Variants in VPS13C observed in about 807,000 individuals in gnomAD.
VPS13C encodes the protein intermembrane lipid transfer protein VPS13C.
A neutral mutation model predicts 456.8 loss-of-function variants in VPS13C; 358 were observed. The ratio of observed to expected loss-of-function variants is 0.78; its 90% CI spans 0.72 to 0.86. VPS13C has a LOEUF of 0.86. Among genes scored for constraint, VPS13C ranks in the 40% least tolerant of loss-of-function variants. The probability of loss-of-function intolerance (pLI) is 0.00; values close to 1 mark genes in which losing one functional copy is unlikely to be tolerated. For missense variants in VPS13C, 4,818 were observed against 4,385.4 expected (o/e 1.10, Z -2.79); for synonymous variants, 1,578 against 1,486.7 (o/e 1.06, Z -1.41).
At chr15:61,896,419 T>C (rs1334976217) in intron 66 of VPS13C, among the ~76,000 whole-genome samples, 1 of 151,890 alleles carries the variant, frequency 6.6e-6, no homozygotes, top group Non-Finnish European at 1.5e-5. Context: ...CGAAGCAGGG[T>C]GAGGCATTGC....
In VPS13C at chr15:61,867,545, T is replaced by C. The variant is rs1403942109; in HGVS notation, c.10863+1114A>G. ...ATCAAGACTCACAAACATAAACATA[T>C]TAATTGGACATAATAATTGTCCTGT... On this transcript the variant is annotated intron_variant, in intron 81 of 84. Coordinates refer to ENST00000644861, the MANE Select transcript of VPS13C (RefSeq NM_020821.3). This position sits in a 1 kb window ranked among gnomAD's most constrained non-coding sequence, Gnocchi z 5.0. 6 of 1,005,632 alleles carry C rather than the reference T, an allele frequency of 6.0e-6. No individual in the cohort carries two copies. Among genetic ancestry groups the C allele is most frequent in the African/African-American group, 1.7e-5 (1 of 57,534 alleles). The allele number at this position is 1,005,632 out of a possible 1,614,324, so 62.3% of individuals were successfully genotyped here.
At chr15:61,893,356 C>T (rs766724606) in intron 66 of VPS13C, among the ~76,000 whole-genome samples, 23 of 151,996 alleles carry the variant, frequency 1.5e-4, no homozygotes, top group Non-Finnish European at 2.8e-4. Context: ...GAAGAAAAAC[C>T]CTGCCAACCA....
At chr15:61,857,066 C>A (rs1893956338) in intron 82 of VPS13C, among the ~76,000 whole-genome samples, 1 of 152,030 alleles carries the variant, frequency 6.6e-6, no homozygotes, top group East Asian at 1.9e-4. Flanking sequence ...GTGTGTGATT[C>A]ATTTTGATTA....
chr15:61,931,040 G>A, intron 50 of VPS13C, 50 bp downstream of exon 50: 1 of 1,600,366 alleles, frequency 6.2e-7, no homozygotes, highest in Non-Finnish European at 8.5e-7. Flanking sequence ...CAGCCATGCA[G>A]GTGCAATGTC....
chr15:62,052,348 A>G (rs2048647854), intron 1 of VPS13C, among the ~76,000 whole-genome samples: 1 of 152,176 alleles, frequency 6.6e-6, no homozygotes, highest in Non-Finnish European at 1.5e-5. Context: ...AAAGCAAAGC[A>G]TGAATCAAAT....
chr15:62,018,093 T>C (rs1200727143), intron 9 of VPS13C, among the ~76,000 whole-genome samples: 1 of 152,176 alleles, frequency 6.6e-6, no homozygotes, highest in Non-Finnish European at 1.5e-5. Context: ...CGTTTGTCTG[T>C]TATTGGTGTA....
At chr15:62,023,650 A>T in intron 7 of VPS13C, 130 bp from the exon 8 acceptor site, 3 of 1,109,604 alleles carry the variant, frequency 2.7e-6, no homozygotes, top group Non-Finnish European at 3.9e-6. Flanking sequence ...TTATATTTTA[A>T]TATGCATTTC....
intron 75 of VPS13C, 41 bp downstream of exon 75, chr15:61,876,932 A>T (rs1229164162): frequency 1.4e-6 from 2 of 1,440,786 alleles, no homozygotes; most frequent in Admixed American, 2.0e-5. Context: ...TTGATATTTT[A>T]TGAAGTATAT....
chr15:62,025,207 G>A (rs2047596100), intron 6 of VPS13C, among the ~76,000 whole-genome samples: 1 of 152,014 alleles, frequency 6.6e-6, no homozygotes, highest in Non-Finnish European at 1.5e-5. Flanking sequence ...ATGTGAAATG[G>A]AGCTTGAAAT....
At chr15:62,014,554 A>G (rs2047161060) in intron 9 of VPS13C, among the ~76,000 whole-genome samples, 1 of 152,136 alleles carries the variant, frequency 6.6e-6, no homozygotes, top group African/African-American at 2.4e-5. Flanking sequence ...ATAACTTTAG[A>G]TTTATAAGTT....
chr15:61,943,481 G>A (rs2044498246), intron 45 of VPS13C, among the ~76,000 whole-genome samples: 2 of 152,074 alleles, frequency 1.3e-5, no homozygotes, highest in South Asian at 4.1e-4. Flanking sequence ...ACAGCCACCT[G>A]TTCTTTGACA....
intron 51 of VPS13C, among the ~76,000 whole-genome samples, chr15:61,929,154 T>C (rs1181988073): frequency 1.3e-5 from 2 of 152,150 alleles, no homozygotes; most frequent in Non-Finnish European, 2.9e-5. Flanking sequence ...TTTTCAATTG[T>C]TCTTCAATGT....
At chr15:62,030,032 G>A (rs1409629045) in intron 5 of VPS13C, among the ~76,000 whole-genome samples, 2 of 152,030 alleles carry the variant, frequency 1.3e-5, no homozygotes, top group African/African-American at 2.4e-5. Context: ...TGACACCTGT[G>A]CAGCTGGTCC....
intron 3 of VPS13C, 127 bp from the exon 4 acceptor site, chr15:62,035,179 G>A: frequency 2.1e-6 from 1 of 468,702 alleles, no homozygotes; most frequent in Non-Finnish European, 3.8e-6. Context: ...CAGAAAAAAT[G>A]AAAAAAATCC....
At chr15:62,047,563 T>G (rs577724967) in intron 1 of VPS13C, among the ~76,000 whole-genome samples, 2 of 152,274 alleles carry the variant, frequency 1.3e-5, no homozygotes, top group African/African-American at 4.8e-5. Context: ...AATAATACAT[T>G]CTCCAAGTTA....
In VPS13C at chr15:61,923,745, AACTT is replaced by A. The variant is rs370743227; in HGVS notation, c.6610-987_6610-984del. ...AGGATCTAGTATGTATTGTTTTCCT[AACTT>A]ACTTGTCAACTTTTTTTCCGTGTCT... is the stretch of plus-strand genomic sequence containing the variant. On this transcript the variant is annotated intron_variant, in intron 53 of 84. Coordinates refer to ENST00000644861, the MANE Select transcript of VPS13C (RefSeq NM_020821.3). Among the ~76,000 whole-genome samples the A allele has an allele frequency of 6.4e-4, 96 of 149,676 alleles. 1 individual carries two copies. In the East Asian group the frequency reaches 0.012, roughly 18 times the overall value.
chr15:61,857,107 T>A (rs1182967429), intron 82 of VPS13C, among the ~76,000 whole-genome samples: 3 of 152,200 alleles, frequency 2.0e-5, no homozygotes, highest in Admixed American at 1.3e-4. Context: ...ATTAAGCTTC[T>A]ATTACAGAAA....
At chr15:61,994,127 C>A (rs768358810) in intron 16 of VPS13C, among the ~76,000 whole-genome samples, 5 of 152,066 alleles carry the variant, frequency 3.3e-5, no homozygotes, top group Non-Finnish European at 1.5e-5. Context: ...GCCAATCCTC[C>A]GCCTACATTT....
intron 55 of VPS13C, 134 bp from the exon 56 acceptor site, chr15:61,920,781 C>T (rs1333357705): frequency 1.4e-6 from 1 of 700,238 alleles, no homozygotes; most frequent in African/African-American, 1.9e-5. Flanking sequence ...CAAAAATATA[C>T]CATGCTTCAC....
Sources: allele counts gnomAD v4.1 joint callset (sites outside exome capture counted in the v4.1 genomes callset), GRCh38; gene constraint gnomAD v4.1.1; non-coding constraint Gnocchi (gnomAD v3.1); transcripts MANE v1.5; gene names NCBI Gene and HGNC (gene_info 2026-07-23, HGNC 2026-07-21).